Variants in TP53I13 observed in about 807,000 individuals in gnomAD.
TP53I13 encodes the protein tumor protein p53-inducible protein 13.
Under a neutral mutation model 39.1 loss-of-function variants are expected in TP53I13, and 27 were observed. The ratio of observed to expected loss-of-function variants is 0.69; its 90% CI spans 0.51 to 0.95. The LOEUF is 0.95. Ranked by LOEUF, TP53I13 falls within the 40% of genes least tolerant of loss-of-function variation. The pLI is 0.00. For synonymous variants in TP53I13, 230 were observed against 224.6 expected (o/e 1.02, Z -0.22); for missense variants, 544 against 520.4 (o/e 1.05, Z -0.44).
the TP53I13 span, chr17:29,581,966 G>A: frequency 6.2e-7 from 1 of 1,612,944 alleles, no homozygotes; most frequent in Admixed American, 1.7e-5. This position sits in a 1 kb window ranked among gnomAD's most constrained non-coding sequence, Gnocchi z 4.8. Flanking sequence ...AACATCAGGG[G>A]AGCCAGGGTC....
upstream of TP53I13, chr17:29,566,354 G>C (rs746318522): frequency 1.2e-6 from 2 of 1,611,022 alleles, no homozygotes; most frequent in Non-Finnish European, 1.7e-6. Flanking sequence ...GGCTGCAGCC[G>C]GGGGCTGACC....
upstream of TP53I13, chr17:29,567,136 T>G: frequency 3.0e-6 from 1 of 330,322 alleles, no homozygotes; most frequent in Non-Finnish European, 4.6e-6. This position sits in a 1 kb window ranked among gnomAD's most constrained non-coding sequence, Gnocchi z 6.6. Flanking sequence ...CGGGCCCGGC[T>G]GCCCTCGCCC....
At chr17:29,574,455 G>A (rs552908027), downstream of TP53I13, 5 of 554,220 alleles carry the variant, frequency 9.0e-6, no homozygotes, top group South Asian at 4.2e-5. Flanking sequence ...TCACTAGGAG[G>A]GGGGAGATGC....
chr17:29,577,967 A>C (rs614334), downstream of TP53I13, among the ~76,000 whole-genome samples: 1 of 152,164 alleles, frequency 6.6e-6, no homozygotes, highest in Non-Finnish European at 1.5e-5. Flanking sequence ...CACTCATCCA[A>C]ACCCAGAGTT....
At chr17:29,576,161 G>A, downstream of TP53I13, 6 of 1,612,694 alleles carry the variant, frequency 3.7e-6, no homozygotes, top group Non-Finnish European at 5.1e-6. Flanking sequence ...GAGCGTCATG[G>A]TGGACCCTGC....
the TP53I13 span, chr17:29,579,410 G>A: frequency 1.4e-5 from 3 of 220,154 alleles, no homozygotes; most frequent in Non-Finnish European, 2.7e-5. Flanking sequence ...AGGCACTGCA[G>A]TGATAACAGG....
At chr17:29,581,298 T>C in the TP53I13 span, 1 of 1,540,740 alleles carries the variant, frequency 6.5e-7, no homozygotes, top group Non-Finnish European at 9.0e-7. The surrounding 1 kb of genome is among the most constrained non-coding windows in gnomAD (Gnocchi z 4.8). Flanking sequence ...CCACATGGCA[T>C]CCAACAGCCT....
downstream of TP53I13, chr17:29,573,191 A>G (rs1190082511): frequency 2.8e-6 from 1 of 355,818 alleles, no homozygotes; most frequent in Non-Finnish European, 5.0e-6. Context: ...TGCCGCACAG[A>G]GACTCCCACC....
chr17:29,572,177 G>A lies in TP53I13; in HGVS notation c.549G>A (p.Arg183=). The change falls in exon 6 of 7, where the codon CGG becomes CGA. Residue 183 remains arginine, a synonymous_variant. Transcript: ENST00000301057. ...TGGCCTTTGCTCTGCGGAGCTGGCGGCCCCCTGGCACAGAGGTGACATCTC... is the reference window on the plus strand; with the variant it reads ...TGGCCTTTGCTCTGCGGAGCTGGCGACCCCCTGGCACAGAGGTGACATCTC... ...LALAFALRSW[R]PPGTEVTSQG... 5 of 1,608,128 alleles carry A rather than the reference G, an allele frequency of 3.1e-6. No homozygotes were observed. In the East Asian group the frequency reaches 6.7e-5, roughly 22 times the overall value.
At chr17:29,566,846 C>T (rs1250367853), upstream of TP53I13, 5 of 1,514,156 alleles carry the variant, frequency 3.3e-6, no homozygotes, top group East Asian at 7.9e-5. Context: ...CGGTCTTGGG[C>T]CCCCGGCAGG....
downstream of TP53I13, chr17:29,577,671 G>C: frequency 6.2e-7 from 1 of 1,612,002 alleles, no homozygotes; most frequent in Non-Finnish European, 8.5e-7. Flanking sequence ...GAGTATTCCG[G>C]GTTAACAGGC....
At chr17:29,576,836 G>C, downstream of TP53I13, 1 of 1,577,630 alleles carries the variant, frequency 6.3e-7, no homozygotes, top group Non-Finnish European at 8.6e-7. Flanking sequence ...GGGCACAGGG[G>C]AGTGGGAAGG....
chr17:29,578,502 A>G, the TP53I13 span: 30 of 902,528 alleles, frequency 3.3e-5, no homozygotes, highest in Non-Finnish European at 5.2e-5. Flanking sequence ...ACAGTCTCAG[A>G]ATGGGAAAGT....
chr17:29,575,309 G>C, downstream of TP53I13: 1 of 1,612,584 alleles, frequency 6.2e-7, no homozygotes, highest in Non-Finnish European at 8.5e-7. The surrounding 1 kb of genome is among the most constrained non-coding windows in gnomAD (Gnocchi z 5.5). Context: ...GAACTCCTGG[G>C]CTGCCCGCAA....
At chr17:29,577,853 G>C, downstream of TP53I13, 1 of 714,726 alleles carries the variant, frequency 1.4e-6, no homozygotes, top group East Asian at 2.6e-5. Flanking sequence ...ACTGAGCACT[G>C]GTGTTCAGAA....
At chr17:29,569,864 G>A (rs530863522) in intron 3 of TP53I13, 4 of 152,554 alleles carry the variant, frequency 2.6e-5, no homozygotes, top group East Asian at 1.9e-4. Flanking sequence ...CTCAGCTTGC[G>A]TGGTAGCATC....
At chr17:29,578,159 T>C in the TP53I13 span, 1 of 726,840 alleles carries the variant, frequency 1.4e-6, no homozygotes, top group East Asian at 2.6e-5. Context: ...CCAGGCAGGC[T>C]CACAGCCAGC....
At chr17:29,581,519 T>A in the TP53I13 span, 1 of 759,150 alleles carries the variant, frequency 1.3e-6, no homozygotes, top group Non-Finnish European at 2.3e-6. The surrounding 1 kb of genome is among the most constrained non-coding windows in gnomAD (Gnocchi z 4.8). Context: ...CCCCCAAGAA[T>A]GCTGGGAGCT....
chr17:29,577,019 C>T, downstream of TP53I13: 4 of 1,604,802 alleles, frequency 2.5e-6, no homozygotes, highest in Non-Finnish European at 3.4e-6. Context: ...GAGTGTCACT[C>T]AGGCCACACT....
Sources: gnomAD v4.1 joint callset for allele counts (sites outside exome capture counted in the v4.1 genomes callset) on GRCh38, gnomAD v4.1.1 for gene constraint, Gnocchi (gnomAD v3.1) non-coding constraint, MANE v1.5 for transcripts, NCBI Gene and HGNC (gene_info 2026-07-23, HGNC 2026-07-21) for gene names.